The following ADGRL4 variants were observed in gnomAD, a reference collection of about 807,000 sequenced individuals.
ADGRL4 encodes adhesion G protein-coupled receptor L4.
A neutral mutation model predicts 74.8 loss-of-function variants in ADGRL4; 90 were observed. The ratio of observed to expected loss-of-function variants is 1.20; its 90% CI spans 1.02 to 1.43. The LOEUF (loss-of-function observed/expected upper bound fraction) is 1.43. ADGRL4 is among the 40% of genes most tolerant of loss of function. The pLI is 0.00. For synonymous variants in ADGRL4, 311 were observed against 279.2 expected (o/e 1.11, Z -1.14); for missense variants, 881 against 814.3 (o/e 1.08, Z -1.00).
chr1:78,974,018 T>C (rs1410730400), intron 2 of ADGRL4, among the ~76,000 whole-genome samples: 1 of 152,138 alleles, frequency 6.6e-6, no homozygotes, highest in Non-Finnish European at 1.5e-5. Context: ...ATACACTGCA[T>C]GTGTGCAAGA....
At chr1:78,904,517 A>C (rs1025839240) in intron 12 of ADGRL4, among the ~76,000 whole-genome samples, 2 of 152,048 alleles carry the variant, frequency 1.3e-5, no homozygotes, top group African/African-American at 4.8e-5. Context: ...ATATTAGTAA[A>C]CTAATAAATG....
chr1:78,898,196 G>T (rs1305987209), intron 12 of ADGRL4, among the ~76,000 whole-genome samples: 1 of 152,144 alleles, frequency 6.6e-6, no homozygotes, highest in African/African-American at 2.4e-5. Flanking sequence ...TTGGAGGAAA[G>T]ATGATAAAAG....
chr1:78,958,329 A>T (rs944534293), intron 2 of ADGRL4, among the ~76,000 whole-genome samples: 3 of 152,176 alleles, frequency 2.0e-5, no homozygotes, highest in African/African-American at 7.2e-5. Context: ...ATAGATAATG[A>T]TTCCTCTGAT....
chr1:78,973,453 T>A (rs950864944), intron 2 of ADGRL4, among the ~76,000 whole-genome samples: 11 of 151,652 alleles, frequency 7.3e-5, no homozygotes, highest in African/African-American at 2.7e-4. Flanking sequence ...GCATTTAAAG[T>A]TTCAAATAAG....
intron 2 of ADGRL4, among the ~76,000 whole-genome samples, chr1:78,999,802 A>G (rs1326323414): frequency 2.1e-5 from 3 of 144,086 alleles, no homozygotes; most frequent in Non-Finnish European, 3.0e-5. Context: ...CTATCTATCT[A>G]TCTATCTATC....
At chr1:78,981,264 T>A (rs1206807090) in intron 2 of ADGRL4, among the ~76,000 whole-genome samples, 3 of 151,982 alleles carry the variant, frequency 2.0e-5, no homozygotes, top group African/African-American at 7.2e-5. Context: ...TGATAAAAAA[T>A]TTAATATTTT....
At chr1:78,918,344 T>G (rs1235466780) in intron 10 of ADGRL4, among the ~76,000 whole-genome samples, 1 of 151,946 alleles carries the variant, frequency 6.6e-6, no homozygotes, top group Non-Finnish European at 1.5e-5. Context: ...TGGATTATTC[T>G]CATGTAAACC....
chr1:78,960,317 T>C (rs1649924595), intron 2 of ADGRL4, among the ~76,000 whole-genome samples: 1 of 152,200 alleles, frequency 6.6e-6, no homozygotes, highest in Non-Finnish European at 1.5e-5. Flanking sequence ...TATATATGTT[T>C]GTAAATATCT....
intron 12 of ADGRL4, among the ~76,000 whole-genome samples, chr1:78,906,927 T>C (rs1648655645): frequency 6.6e-6 from 1 of 151,998 alleles, no homozygotes; most frequent in Non-Finnish European, 1.5e-5. Flanking sequence ...TTCTGACTTT[T>C]AAAAAATGCT....
At chr1:78,951,918 A>G (rs920634849) in intron 2 of ADGRL4, among the ~76,000 whole-genome samples, 1 of 152,190 alleles carries the variant, frequency 6.6e-6, no homozygotes, top group Non-Finnish European at 1.5e-5. Flanking sequence ...TGAGTCCCCT[A>G]GTAATGAAAC....
rs1170463698 is a variant in ADGRL4, at chr1:78,969,451, A to T, written c.173-23025T>A. ...AAGAATATCACTTTCTAACAGGTCC[A>T]GGAGCTCCAAGTTTATCTTGGGACC... is the stretch of plus-strand genomic sequence containing the variant. On this transcript the variant is annotated intron_variant, in intron 2 of 14. Coordinates refer to ENST00000370742, the MANE Select transcript of ADGRL4 (RefSeq NM_022159.4). Among the ~76,000 whole-genome samples the T allele has an allele frequency of 2.0e-5, 3 of 152,302 alleles. No individual in the cohort carries two copies. In the East Asian group the frequency reaches 5.8e-4, roughly 29 times the overall value.
intron 2 of ADGRL4, among the ~76,000 whole-genome samples, chr1:78,960,125 T>A (rs761380932): frequency 7.2e-5 from 11 of 152,182 alleles, no homozygotes; most frequent in Non-Finnish European, 1.0e-4. Context: ...AGTTAAAGTA[T>A]ATCTTGCATC....
rs554738081 is a variant in ADGRL4, at chr1:78,968,677, G to A, written c.173-22251C>T. Among the ~76,000 whole-genome samples the A allele has an allele frequency of 3.2e-4, 49 of 152,246 alleles. 1 individual carries two copies. The South Asian group carries it at 9.1e-3, about 28-fold the overall frequency. On this transcript the variant is annotated intron_variant, in intron 2 of 14. Coordinates refer to ENST00000370742, the MANE Select transcript of ADGRL4 (RefSeq NM_022159.4). ...TCTTTGGTGTCTGTGAGGAGCCCGG[G>A]TTGCTAGCTGGACTGATAGGGAAAA...
chr1:78,898,713 A>G (rs539083223), intron 12 of ADGRL4, among the ~76,000 whole-genome samples: 70 of 152,264 alleles, frequency 4.6e-4, no homozygotes, highest in Non-Finnish European at 9.7e-4. Flanking sequence ...GAGATAAAGC[A>G]ATATTTTAAA....
chr1:78,939,433 A>G (rs1402611205), intron 3 of ADGRL4, among the ~76,000 whole-genome samples, 175 bp from the exon 4 acceptor site: 1 of 152,060 alleles, frequency 6.6e-6, no homozygotes, highest in Non-Finnish European at 1.5e-5. Flanking sequence ...AATGAAATAA[A>G]AGGGTTTTAA....
chr1:78,918,232 C>T (rs983249316), intron 10 of ADGRL4, among the ~76,000 whole-genome samples, 182 bp from the exon 11 acceptor site: 8 of 151,800 alleles, frequency 5.3e-5, no homozygotes, highest in African/African-American at 1.5e-4. Flanking sequence ...AAAACAACTG[C>T]GTTTCATCAG....
At chr1:78,991,063 A>C (rs1650599389) in intron 2 of ADGRL4, among the ~76,000 whole-genome samples, 1 of 152,070 alleles carries the variant, frequency 6.6e-6, no homozygotes, top group African/African-American at 2.4e-5. Flanking sequence ...ATTATCAAAA[A>C]TGCATAAAAG....
At chr1:78,974,112 C>T (rs1421980258) in intron 2 of ADGRL4, among the ~76,000 whole-genome samples, 2 of 152,142 alleles carry the variant, frequency 1.3e-5, no homozygotes, top group Non-Finnish European at 2.9e-5. Context: ...CTTCCTGTTC[C>T]TCCCTCAAAC....
intron 2 of ADGRL4, among the ~76,000 whole-genome samples, chr1:78,968,089 A>G (rs888248995): frequency 2.0e-5 from 3 of 152,120 alleles, no homozygotes; most frequent in Non-Finnish European, 4.4e-5. Context: ...ATTTTTGTGA[A>G]TAAAGCTAAC....
Sources: gnomAD v4.1 joint callset for allele counts (sites outside exome capture counted in the v4.1 genomes callset) on GRCh38, gnomAD v4.1.1 for gene constraint, MANE v1.5 for transcripts, NCBI Gene and HGNC (gene_info 2026-07-23, HGNC 2026-07-21) for gene names.